SYT1: variants seen among roughly 807,000 people sequenced by gnomAD.
SYT1 encodes synaptotagmin-1.
Under a neutral mutation model 44.8 loss-of-function variants are expected in SYT1, and 8 were observed. The observed-to-expected ratio is 0.18, with a 90% CI of 0.10 to 0.32. The LOEUF (loss-of-function observed/expected upper bound fraction) is 0.32, where lower values mean the gene tolerates loss of function less well. Among genes scored for constraint, SYT1 ranks in the 10% least tolerant of loss-of-function variants. The pLI, the probability that SYT1 is intolerant of heterozygous loss-of-function variation, is 1.00. For missense variants in SYT1, 286 were observed against 509.3 expected (o/e 0.56, Z 4.22); for synonymous variants, 154 against 188.8 (o/e 0.82, Z 1.51).
At chr12:79,180,558 A>C (rs1330684929) in intron 3 of SYT1, among the ~76,000 whole-genome samples, 1 of 151,828 alleles carries the variant, frequency 6.6e-6, no homozygotes, top group African/African-American at 2.4e-5. Context: ...GCATCTTCTT[A>C]GCTTCTGAGG....
At chr12:78,892,399 G>A (rs1360071958) in intron 1 of SYT1, among the ~76,000 whole-genome samples, 1 of 151,686 alleles carries the variant, frequency 6.6e-6, no homozygotes, top group Non-Finnish European at 1.5e-5. Flanking sequence ...ATCAGTCACT[G>A]CTATTATAAA....
Position 79,249,088 on chromosome 12 carries a change from C to CTTTTTTTTTTTTTTTTT in SYT1, c.166+31414_166+31430dup, listed in dbSNP as rs58983623. On this transcript the variant is annotated intron_variant, in intron 4 of 10. Coordinates refer to ENST00000261205, the MANE Select transcript of SYT1 (RefSeq NM_005639.3). ...TATTCCCTCTTCTCTTTACCTCTTTCTTTTTTTTTTTTTTTTTTTTTTTTT... is the reference window on the plus strand; with the variant it reads ...TATTCCCTCTTCTCTTTACCTCTTTCTTTTTTTTTTTTTTTTTTTTTTTTTTTTTTTTTTTTTTTTTT... Among the ~76,000 whole-genome samples the CTTTTTTTTTTTTTTTTT allele has an allele frequency of 5.6e-5, 4 of 71,816 alleles. 1 individual carries two copies. Among genetic ancestry groups the CTTTTTTTTTTTTTTTTT allele is most frequent in the African/African-American group, 1.9e-4 (3 of 16,216 alleles). 47.1% of individuals were successfully genotyped at this position (71,816 alleles called of 152,430 possible).
At position 79,241,419 on chromosome 12, in the gene SYT1, C is replaced by T. The variant is rs983025242; in HGVS notation, c.166+23734C>T. 8.5e-5 allele frequency among the ~76,000 whole-genome samples: 13 copies of T among 152,070 alleles called. 1 individual carries two copies. The South Asian group carries it at 1.7e-3, about 19-fold the overall frequency. Reference sequence around the variant, plus strand: ...CTGAGTAATTGGGACTACAGGTGGGCGCCACCATGCCCGGCTAATTTTTTG... The same window carrying T: ...CTGAGTAATTGGGACTACAGGTGGGTGCCACCATGCCCGGCTAATTTTTTG... On this transcript the variant is annotated intron_variant, in intron 4 of 10. Coordinates refer to ENST00000261205, the MANE Select transcript of SYT1 (RefSeq NM_005639.3).
chr12:79,230,659 G>A (rs1875816213), intron 4 of SYT1, among the ~76,000 whole-genome samples: 1 of 152,150 alleles, frequency 6.6e-6, no homozygotes, highest in African/African-American at 2.4e-5. Context: ...CAGGAAGGCT[G>A]TTTATATGTC....
intron 3 of SYT1, among the ~76,000 whole-genome samples, chr12:79,112,128 G>T (rs1268783435): frequency 6.6e-6 from 1 of 151,854 alleles, no homozygotes; most frequent in Non-Finnish European, 1.5e-5. Flanking sequence ...ATTAATCTAT[G>T]CACCAGCCTT....
In SYT1 at chr12:78,897,042, C is replaced by T. The variant is rs112819582; in HGVS notation, c.-217+31933C>T. 4.7e-3 allele frequency among the ~76,000 whole-genome samples: 713 copies of T among 151,814 alleles called. 5 individuals carry two copies. Among genetic ancestry groups the T allele is most frequent in the African/African-American group, 0.016 (679 of 41,484 alleles). On this transcript the variant is annotated intron_variant, in intron 1 of 10. Coordinates refer to ENST00000261205, the MANE Select transcript of SYT1 (RefSeq NM_005639.3). ...TATCTATATAAGTGTATGACAATGT[C>T]AATAGTCAACTGAAGGCAATATATT...
chr12:79,142,246 G>A (rs1869604139), intron 3 of SYT1, among the ~76,000 whole-genome samples: 1 of 152,182 alleles, frequency 6.6e-6, no homozygotes, highest in Non-Finnish European at 1.5e-5. Flanking sequence ...CCAAAGCGAG[G>A]GATCCCTGTG....
intron 8 of SYT1, among the ~76,000 whole-genome samples, chr12:79,350,631 A>G (rs1290068654): frequency 6.6e-6 from 1 of 152,154 alleles, no homozygotes; most frequent in Non-Finnish European, 1.5e-5. Context: ...AACACATGAC[A>G]ATCATATTTG....
At chr12:79,202,389 G>A (rs1873842254) in intron 3 of SYT1, among the ~76,000 whole-genome samples, 1 of 152,186 alleles carries the variant, frequency 6.6e-6, no homozygotes, top group Admixed American at 6.5e-5. Flanking sequence ...CTTTCTTAAA[G>A]TGGTGTGTTC....
chr12:79,192,939 C>CT (rs756308802), intron 3 of SYT1, among the ~76,000 whole-genome samples: 36 of 152,054 alleles, frequency 2.4e-4, no homozygotes, highest in Admixed American at 5.9e-4. Context: ...CAAGTGATTC[C>CT]TTTCAATACT....
At chr12:79,166,827 G>T (rs1213245301) in intron 3 of SYT1, among the ~76,000 whole-genome samples, 1 of 151,946 alleles carries the variant, frequency 6.6e-6, no homozygotes, top group African/African-American at 2.4e-5. Flanking sequence ...CCTTGGACTT[G>T]GTAGTTGAAA....
At chr12:79,429,257 A>G (rs920980038) in intron 9 of SYT1, among the ~76,000 whole-genome samples, 4 of 152,042 alleles carry the variant, frequency 2.6e-5, no homozygotes, top group Non-Finnish European at 5.9e-5. Flanking sequence ...CCCAGGCTGG[A>G]GTGCAGTGGT....
intron 3 of SYT1, among the ~76,000 whole-genome samples, chr12:79,192,548 C>T (rs746621399): frequency 3.3e-5 from 5 of 152,062 alleles, no homozygotes; most frequent in African/African-American, 7.2e-5. Context: ...AGTTTACTAT[C>T]GTTAATATCT....
At chr12:78,985,499 A>T (rs1358432795) in intron 2 of SYT1, among the ~76,000 whole-genome samples, 3 of 150,776 alleles carry the variant, frequency 2.0e-5, no homozygotes, top group African/African-American at 7.4e-5. Flanking sequence ...AGGAGAAATG[A>T]CCACTATCTG....
chr12:79,433,251 C>A (rs1469980651), intron 9 of SYT1, among the ~76,000 whole-genome samples: 3 of 152,106 alleles, frequency 2.0e-5, no homozygotes, highest in Admixed American at 1.3e-4. Context: ...ACTGAGTGAG[C>A]CTGAGTAAGC....
intron 1 of SYT1, among the ~76,000 whole-genome samples, chr12:78,915,460 A>C (rs534461408): frequency 2.2e-3 from 339 of 152,202 alleles, no homozygotes; most frequent in African/African-American, 7.7e-3. Context: ...AATGGGGTCA[A>C]AAAAGAAAAA....
At chr12:79,192,773 T>C (rs1014475883) in intron 3 of SYT1, among the ~76,000 whole-genome samples, 7 of 152,198 alleles carry the variant, frequency 4.6e-5, no homozygotes, top group Non-Finnish European at 4.4e-5. Flanking sequence ...CCTCACAGTA[T>C]GAGAGTTGAG....
At chr12:79,027,556 G>C (rs1354004966) in intron 2 of SYT1, among the ~76,000 whole-genome samples, 1 of 151,278 alleles carries the variant, frequency 6.6e-6, no homozygotes, top group Non-Finnish European at 1.5e-5. Context: ...ATATAAACTT[G>C]TCAAGCCCTC....
intron 2 of SYT1, among the ~76,000 whole-genome samples, chr12:78,997,895 C>T (rs1870484508): frequency 6.6e-6 from 1 of 152,122 alleles, no homozygotes; most frequent in African/African-American, 2.4e-5. Context: ...ACAGTCACCC[C>T]ATCTTTCTCT....
Sources: gnomAD v4.1 joint callset for allele counts (sites outside exome capture counted in the v4.1 genomes callset) on GRCh38, gnomAD v4.1.1 for gene constraint, MANE v1.5 for transcripts, NCBI Gene and HGNC (gene_info 2026-07-23, HGNC 2026-07-21) for gene names.